Variants in PLXNA4 observed in about 807,000 individuals in gnomAD.
The protein encoded by PLXNA4 is plexin-A4.
Under a neutral mutation model 191.8 loss-of-function variants are expected in PLXNA4, and 44 were observed. The observed-to-expected ratio is 0.23, with a 90% CI of 0.18 to 0.29. The LOEUF (loss-of-function observed/expected upper bound fraction) is 0.29. PLXNA4 is among the 10% of genes least tolerant of loss of function. The probability of loss-of-function intolerance (pLI) is 1.00; values close to 1 mark genes in which losing one functional copy is unlikely to be tolerated. For missense variants in PLXNA4, 1,800 were observed against 2,488.8 expected, an observed-to-expected ratio of 0.72 and a Z score of 5.89; for synonymous variants, 1,082 against 1,009.5, an observed-to-expected ratio of 1.07 and a Z score of -1.36.
At chr7:132,523,911 G>A (rs1799292560) in intron 1 of PLXNA4, among the ~76,000 whole-genome samples, 1 of 152,186 alleles carries the variant, frequency 6.6e-6, no homozygotes. Flanking sequence ...TTCTTTTTAG[G>A]ATGTCAAAGG....
At chr7:132,166,757 G>GT (rs1430859833) in intron 22 of PLXNA4, among the ~76,000 whole-genome samples, 1 of 152,094 alleles carries the variant, frequency 6.6e-6, no homozygotes, top group Non-Finnish European at 1.5e-5. Context: ...ACGCCAGAAA[G>GT]TTGTCGGTGG....
intron 3 of PLXNA4, among the ~76,000 whole-genome samples, chr7:132,482,813 G>A (rs920540318): frequency 1.3e-5 from 2 of 151,400 alleles, no homozygotes; most frequent in African/African-American, 4.9e-5. Flanking sequence ...CTGCCTCAGC[G>A]TCCTGAGTAG....
chr7:132,133,174 G>T lies in PLXNA4; in HGVS notation c.5464C>A (p.Pro1822Thr). 6.2e-7 allele frequency: 1 copy of T among 1,614,174 alleles called. No homozygotes were observed. The highest frequency in any genetic ancestry group is 8.5e-7 in the Non-Finnish European group (1 of 1,180,030). The change falls in exon 31 of 32, where the codon CCA becomes ACA. Residue 1822 changes from proline to threonine, a missense_variant. Pro to Thr is a conservative substitution (Grantham distance 38). Around this residue, in one of 6 missense-constraint regions of PLXNA4, gnomAD observed 101 missense variants for 182.8 expected, o/e 0.55. Coordinates refer to ENST00000321063, the MANE Select transcript of PLXNA4 (RefSeq NM_020911.2). ...TTCATGTCTTGGTCGCTGATGGCTG[G>T]CATCTTCCCTATGTCTGAGTAATAC... ...ERYYSDIGKM[P>T]AISDQDMNAY...
chr7:132,597,859 C>CTATA (rs1554476079), intron 2 of PLXNA4, among the ~76,000 whole-genome samples: 103 of 145,230 alleles, frequency 7.1e-4, no homozygotes, highest in Middle Eastern at 3.5e-3. Flanking sequence ...CTCTCTCTCT[C>CTATA]TATATATATA....
chr7:132,375,289 C>A (rs950397819), intron 3 of PLXNA4, among the ~76,000 whole-genome samples: 18 of 152,232 alleles, frequency 1.2e-4, no homozygotes, highest in South Asian at 2.1e-4. Context: ...CCCGCCCCCC[C>A]CCACGCCCCA....
Position 132,507,564 on chromosome 7 carries a change from C to G in PLXNA4, c.1130G>C (p.Gly377Ala). 6.2e-7 allele frequency: 1 copy of G among 1,614,024 alleles called. No individual in the cohort carries two copies. ...IKERLQSCYR[G>A]EGTLDLAWLK... ...CCAGGCCAGGTCCAGCGTGCCCTCG[C>G]CCCGGTAACAAGACTGCAGCCGCTC... The change falls in exon 2 of 32, where the codon GGC becomes GCC. Residue 377 changes from glycine to alanine, a missense_variant. Gly to Ala is a moderately conservative substitution (Grantham distance 60, BLOSUM62 0). Around this residue, in one of 6 missense-constraint regions of PLXNA4, gnomAD observed 1,397 missense variants for 1,880.4 expected, o/e 0.74. Transcript: ENST00000321063.
chr7:132,566,609 T>C (rs1379405879), intron 1 of PLXNA4, among the ~76,000 whole-genome samples: 1 of 152,092 alleles, frequency 6.6e-6, no homozygotes, highest in Non-Finnish European at 1.5e-5. Context: ...ATTCAAGCAG[T>C]TGGAGAAAAA....
intron 3 of PLXNA4, among the ~76,000 whole-genome samples, chr7:132,317,248 CTGGGT>C (rs536430397): frequency 2.0e-4 from 29 of 142,134 alleles, no homozygotes; most frequent in African/African-American, 6.6e-4. Context: ...TTAGATTGGA[CTGGGT>C]TGGGTTGGGT....
chr7:132,325,889 G>A lies in PLXNA4; in HGVS notation c.1372-27667C>T, dbSNP rs888488598. 1.8e-4 allele frequency among the ~76,000 whole-genome samples: 27 copies of A among 152,270 alleles called. No homozygotes were observed. In the East Asian group the frequency reaches 3.3e-3, roughly 19 times the overall value. On this transcript the variant is annotated intron_variant, in intron 3 of 31. Coordinates refer to ENST00000321063, the MANE Select transcript of PLXNA4 (RefSeq NM_020911.2). ...GGGCATGGATCTTACAGCAGGCAGC[G>A]GATTCCAACACAGCTGAAAGCCAGG...
chr7:132,279,770 C>T (rs955228946), intron 4 of PLXNA4, among the ~76,000 whole-genome samples: 1 of 152,202 alleles, frequency 6.6e-6, no homozygotes, highest in African/African-American at 2.4e-5. Context: ...AAACTGTCAA[C>T]AAATAACTGT....
At chr7:132,607,354 C>G (rs992234104) in intron 2 of PLXNA4, among the ~76,000 whole-genome samples, 2 of 152,180 alleles carry the variant, frequency 1.3e-5, no homozygotes, top group East Asian at 3.9e-4. Context: ...GCTCACCAAC[C>G]CTGGATCTCC....
In PLXNA4 at chr7:132,147,789, G is replaced by A. The variant is rs1248635363; in HGVS notation, c.4864+111C>T. ...CTCTTCCCCGATGGTCAGCCTGTCT[G>A]ATGCCCCATCTCCCCTCTCCAAGAG... On this transcript the variant is annotated intron_variant, in intron 27 of 31. Transcript: ENST00000321063. 7.0e-6 allele frequency: 10 copies of A among 1,430,168 alleles called. No homozygotes were observed. The South Asian group carries it at 1.0e-4, about 15-fold the overall frequency. 88.6% of individuals were successfully genotyped at this position (1,430,168 alleles called of 1,614,324 possible).
chr7:132,140,455 G>A, intron 30 of PLXNA4, 144 bp downstream of exon 30: 4 of 1,226,616 alleles, frequency 3.3e-6, no homozygotes, highest in Non-Finnish European at 4.5e-6. Flanking sequence ...ACTTGGGGGT[G>A]TGGGTGTTGC....
intron 3 of PLXNA4, among the ~76,000 whole-genome samples, chr7:132,442,632 T>G (rs898144555): frequency 1.3e-5 from 2 of 152,176 alleles, no homozygotes; most frequent in Non-Finnish European, 2.9e-5. Flanking sequence ...GAAGTCCCCC[T>G]CCGCAAACTT....
intron 3 of PLXNA4, among the ~76,000 whole-genome samples, chr7:132,326,846 G>T (rs886766995): frequency 6.0e-5 from 9 of 150,880 alleles, no homozygotes; most frequent in Non-Finnish European, 1.3e-4. Flanking sequence ...TCCCCACAGT[G>T]TCTGTGCCCA....
chr7:132,419,397 A>T (rs1794773039), intron 3 of PLXNA4, among the ~76,000 whole-genome samples: 2 of 152,234 alleles, frequency 1.3e-5, no homozygotes, highest in Admixed American at 6.5e-5. Context: ...CTGGGTGAAC[A>T]ACTAGAAATT....
At position 132,587,664 on chromosome 7, in the gene PLXNA4, C is replaced by T. The variant is rs147994476; in HGVS notation, c.-87+58264G>A. On this transcript the variant is annotated intron_variant, in intron 2 of 4. Transcript: ENST00000378539. The stretch of plus-strand genomic sequence containing the variant: ...CCTAGGGAAGAGAACCAATATCCCA[C>T]CCAAGACCATTACTAAGGAGGGAAG... 1.2e-3 allele frequency among the ~76,000 whole-genome samples: 188 copies of T among 152,166 alleles called. 3 individuals carry two copies. The highest frequency in any genetic ancestry group is 4.3e-3 in the African/African-American group (178 of 41,508).
intron 3 of PLXNA4, among the ~76,000 whole-genome samples, chr7:132,356,065 G>A (rs898921239): frequency 1.3e-5 from 2 of 152,146 alleles, no homozygotes; most frequent in African/African-American, 4.8e-5. Context: ...ATGGACTTGG[G>A]ATATCCAGTT....
At chr7:132,298,276 G>A in intron 3 of PLXNA4, 54 bp from the exon 4 acceptor site, 2 of 1,562,216 alleles carry the variant, frequency 1.3e-6, no homozygotes, top group South Asian at 2.4e-5. Context: ...ACTGCCCACA[G>A]CCAAACTTCA....
Sources: gnomAD v4.1 joint callset for allele counts (sites outside exome capture counted in the v4.1 genomes callset) on GRCh38, gnomAD v4.1.1 for gene constraint, gnomAD v4.1.1 regional missense constraint, MANE v1.5 for transcripts, NCBI Gene and HGNC (gene_info 2026-07-23, HGNC 2026-07-21) for gene names.